MTMR3: variants seen among roughly 807,000 people sequenced by gnomAD.
MTMR3 encodes phosphatidylinositol-3,5-bisphosphate 3-phosphatase MTMR3.
A neutral mutation model predicts 132.4 loss-of-function variants in MTMR3; 32 were observed. The ratio of observed to expected loss-of-function variants is 0.24; its 90% confidence interval spans 0.18 to 0.32. MTMR3 has a LOEUF of 0.32. Among genes scored for constraint, MTMR3 ranks in the 10% least tolerant of loss-of-function variants. The pLI is 1.00. For missense variants in MTMR3, 1,216 were observed against 1,489.6 expected, an observed-to-expected ratio of 0.82 and a Z score of 3.02; for synonymous variants, 556 against 550.3, an observed-to-expected ratio of 1.01 and a Z score of -0.14.
intron 1 of MTMR3, among the ~76,000 whole-genome samples, chr22:29,892,179 T>C (rs1211498679): frequency 1.3e-5 from 2 of 151,994 alleles, no homozygotes; most frequent in Non-Finnish European, 2.9e-5. Flanking sequence ...CCCATGCTCT[T>C]GAGAGTCGTA....
chr22:29,901,586 T>G (rs1414280527), intron 1 of MTMR3, among the ~76,000 whole-genome samples: 2 of 152,240 alleles, frequency 1.3e-5, no homozygotes, highest in Non-Finnish European at 2.9e-5. Context: ...TCATGACCCT[T>G]TCTATAGTCA....
chr22:29,972,312 A>C (rs1426112457), intron 3 of MTMR3, among the ~76,000 whole-genome samples: 1 of 152,108 alleles, frequency 6.6e-6, no homozygotes, highest in Non-Finnish European at 1.5e-5. Context: ...TTCATTGTAT[A>C]CCACACGGCT....
At chr22:29,883,893 T>C (rs1273327299) in intron 1 of MTMR3, among the ~76,000 whole-genome samples, 3 of 152,162 alleles carry the variant, frequency 2.0e-5, no homozygotes, top group Non-Finnish European at 1.5e-5. Flanking sequence ...CCCCCTGACC[T>C]GGTAGTACTT....
chr22:30,009,422 G>A (rs1387193831), intron 12 of MTMR3: 1 of 293,710 alleles, frequency 3.4e-6, no homozygotes, highest in African/African-American at 2.2e-5. Context: ...CTTACTGTTT[G>A]TCCTGGGACC....
At chr22:29,976,721 G>T (rs1272737950) in intron 3 of MTMR3, among the ~76,000 whole-genome samples, 2 of 152,124 alleles carry the variant, frequency 1.3e-5, no homozygotes, top group African/African-American at 2.4e-5. Context: ...TTATTGGGAA[G>T]GTTTTGACCT....
chr22:29,916,174 G>A (rs1201039319), intron 1 of MTMR3, among the ~76,000 whole-genome samples: 1 of 152,142 alleles, frequency 6.6e-6, no homozygotes, highest in Non-Finnish European at 1.5e-5. Flanking sequence ...CGGGCTAGTT[G>A]AGCTGTGTTT....
Position 30,020,193 on chromosome 22 carries a change from C to G in MTMR3, c.2534C>G (p.Ser845Cys), listed in dbSNP as rs768029653. Residue 845 changes from serine (S) to cysteine (C), a missense_variant, in exon 17 of 20, where the codon TCT becomes TGT. Transcript: ENST00000401950. ...FETRGPNVDS[S>C]TDMLVEDKVK... ...ACCAGAGGACCAAACGTGGACAGTT[C>G]TACAGACATGTTAGTGGAAGATAAG... 18 of 1,614,082 alleles carry G rather than the reference C, an allele frequency of 1.1e-5. No individual in the cohort carries two copies. The highest frequency in any genetic ancestry group is 6.7e-5 in the Admixed American group (4 of 60,004).
intron 1 of MTMR3, among the ~76,000 whole-genome samples, chr22:29,929,335 T>G (rs1471102085): frequency 1.3e-5 from 2 of 152,174 alleles, no homozygotes; most frequent in African/African-American, 2.4e-5. Context: ...TACTTGAAAT[T>G]AAGCAACATC....
Position 30,017,913 on chromosome 22 carries a change from TC to T in MTMR3, c.1675-8del. On this transcript the variant is annotated splice_polypyrimidine_tract_variant and intron_variant, in intron 15 of 19. Coordinates refer to ENST00000401950, the MANE Select transcript of MTMR3 (RefSeq NM_021090.4). ...TTGGGGCATATTTAAACCTGTGTCC[TC>T]CCCCCTCCTCAGGTGCTGTACCCTG... 1 of 1,612,060 alleles carries T rather than the reference TC, an allele frequency of 6.2e-7. No individual in the cohort carries two copies. Among genetic ancestry groups the T allele is most frequent in the Admixed American group, 1.7e-5 (1 of 59,540 alleles).
intron 1 of MTMR3, among the ~76,000 whole-genome samples, chr22:29,884,672 C>T (rs2064633810): frequency 6.6e-6 from 1 of 151,420 alleles, no homozygotes; most frequent in African/African-American, 2.4e-5. Flanking sequence ...TAGCAATCCT[C>T]CCACCTCAGC....
At chr22:29,914,883 A>G (rs1476580276) in intron 1 of MTMR3, among the ~76,000 whole-genome samples, 1 of 152,114 alleles carries the variant, frequency 6.6e-6, no homozygotes. Context: ...CAGTTTGAAT[A>G]TTTTCTAATT....
At chr22:29,900,505 T>C (rs1229474593) in intron 1 of MTMR3, among the ~76,000 whole-genome samples, 1 of 152,178 alleles carries the variant, frequency 6.6e-6, no homozygotes, top group African/African-American at 2.4e-5. Flanking sequence ...ATTATTGATA[T>C]CATTCATTTA....
At chr22:30,014,940 A>T (rs987260435) in intron 14 of MTMR3, 7 of 152,226 alleles carry the variant, frequency 4.6e-5, no homozygotes, top group Admixed American at 6.5e-5. Flanking sequence ...TCCCACATTT[A>T]TACACCTTCA....
intron 1 of MTMR3, among the ~76,000 whole-genome samples, chr22:29,947,114 A>T (rs370141841): frequency 6.6e-6 from 1 of 152,238 alleles, no homozygotes; most frequent in East Asian, 1.9e-4. Flanking sequence ...ACTGAACAGT[A>T]GTAGTGCAGA....
At chr22:29,942,507 A>G (rs1308828818) in intron 1 of MTMR3, among the ~76,000 whole-genome samples, 1 of 152,178 alleles carries the variant, frequency 6.6e-6, no homozygotes, top group African/African-American at 2.4e-5. Flanking sequence ...GGTCTGACCA[A>G]AATTTATTAG....
intron 1 of MTMR3, among the ~76,000 whole-genome samples, chr22:29,931,695 G>A (rs1196402876): frequency 6.6e-6 from 1 of 151,996 alleles, no homozygotes; most frequent in Non-Finnish European, 1.5e-5. Context: ...TTACAGGCAT[G>A]AGCCACCACA....
chr22:29,897,079 C>CT (rs908801028), intron 1 of MTMR3, among the ~76,000 whole-genome samples: 7 of 150,434 alleles, frequency 4.7e-5, no homozygotes, highest in Middle Eastern at 6.8e-3. Context: ...TTTTCTTTTT[C>CT]TTTTTTTTCT....
At chr22:29,925,916 A>AAAAATAAAAT (rs1015945813) in intron 1 of MTMR3, among the ~76,000 whole-genome samples, 1 of 152,170 alleles carries the variant, frequency 6.6e-6, no homozygotes, top group African/African-American at 2.4e-5. Context: ...CTCGGTCTCA[A>AAAAATAAAAT]AAAATAAAAT....
Position 29,915,834 on chromosome 22 carries a change from G to A in MTMR3, c.-138+32475G>A, listed in dbSNP as rs7290334. Reference sequence around the variant, plus strand: ...TTGCCATTTGTTTTCTATTCATCCCGTCTATTCTTTTCTGTCATTTTTTGA... The same window carrying A: ...TTGCCATTTGTTTTCTATTCATCCCATCTATTCTTTTCTGTCATTTTTTGA... On this transcript the variant is annotated intron_variant, in intron 1 of 19. Coordinates refer to ENST00000401950, the MANE Select transcript of MTMR3 (RefSeq NM_021090.4). Among the ~76,000 whole-genome samples the A allele has an allele frequency of 4.5e-3, 683 of 151,890 alleles. 5 individuals carry two copies. The highest frequency in any genetic ancestry group is 0.015 in the African/African-American group (642 of 41,420).
Sources: allele counts gnomAD v4.1 joint callset (sites outside exome capture counted in the v4.1 genomes callset), GRCh38; gene constraint gnomAD v4.1.1; transcripts MANE v1.5; gene names NCBI Gene and HGNC (gene_info 2026-07-23, HGNC 2026-07-21).